The following AGBL1 variants were observed in gnomAD, a reference collection of about 807,000 sequenced individuals.
AGBL1 encodes AGBL carboxypeptidase 1.
A neutral mutation model predicts 118.9 loss-of-function variants in AGBL1; 130 were observed. The observed-to-expected ratio is 1.09, with a 90% CI of 0.95 to 1.26. The LOEUF is 1.26. AGBL1 is among the 50% of genes most tolerant of loss of function. AGBL1 has a pLI of 0.00. For missense variants in AGBL1, 1,584 were observed against 1,298.1 expected (o/e 1.22, Z -3.38); for synonymous variants, 555 against 478.9 (o/e 1.16, Z -2.08).
In AGBL1 at chr15:86,143,863, C is replaced by G; in HGVS notation, c.262+18C>G. 1 of 1,610,888 alleles carries G rather than the reference C, an allele frequency of 6.2e-7. No homozygotes were observed. The highest frequency in any genetic ancestry group is 8.5e-7 in the Non-Finnish European group (1 of 1,178,454). ...CCTAAGAGGTACTCGTACTCCAAGA[C>G]CTAAAGCTGACTGAAAAGGCACTTC... On this transcript the variant is annotated intron_variant, in intron 3 of 22. Coordinates refer to ENST00000614907, the MANE Select transcript of AGBL1 (RefSeq NM_001386094.1).
chr15:86,895,232 C>A (rs929767521), intron 22 of AGBL1, among the ~76,000 whole-genome samples: 1 of 150,270 alleles, frequency 6.7e-6, no homozygotes, highest in African/African-American at 2.5e-5. Context: ...ACATTATATT[C>A]TTTTTTTCTC....
chr15:86,180,861 T>C (rs1227363631), intron 5 of AGBL1, among the ~76,000 whole-genome samples: 1 of 152,032 alleles, frequency 6.6e-6, no homozygotes, highest in Non-Finnish European at 1.5e-5. Flanking sequence ...GGACAAAAGA[T>C]TTGAACAGAT....
chr15:86,330,195 A>C (rs1462937139), intron 17 of AGBL1, among the ~76,000 whole-genome samples: 1 of 152,212 alleles, frequency 6.6e-6, no homozygotes, highest in African/African-American at 2.4e-5. Context: ...CCATTTCCTG[A>C]GGCAACAGAG....
intron 21 of AGBL1, among the ~76,000 whole-genome samples, chr15:86,626,656 G>T (rs976216217): frequency 1.3e-5 from 2 of 150,606 alleles, no homozygotes; most frequent in Non-Finnish European, 3.0e-5. Context: ...CTTAAAACTT[G>T]TTTTTTTTTA....
chr15:86,945,069 C>T (rs1322980835), intron 23 of AGBL1, among the ~76,000 whole-genome samples: 1 of 151,440 alleles, frequency 6.6e-6, no homozygotes, highest in African/African-American at 2.4e-5. Context: ...AAAATGATGA[C>T]ATAGTAAGCA....
chr15:86,382,300 T>C (rs1445641340), intron 17 of AGBL1, among the ~76,000 whole-genome samples: 2 of 152,190 alleles, frequency 1.3e-5, no homozygotes, highest in Non-Finnish European at 2.9e-5. Context: ...GGGCCAGAAA[T>C]AAGTCTTTGA....
At chr15:86,173,828 C>T (rs2077446788) in intron 5 of AGBL1, among the ~76,000 whole-genome samples, 1 of 152,094 alleles carries the variant, frequency 6.6e-6, no homozygotes, top group Non-Finnish European at 1.5e-5. Flanking sequence ...TAGTACCATG[C>T]TGATTTGGTT....
chr15:86,659,523 A>G (rs1170393355), intron 21 of AGBL1, among the ~76,000 whole-genome samples: 1 of 152,100 alleles, frequency 6.6e-6, no homozygotes, highest in African/African-American at 2.4e-5. Context: ...CCTTTGCAGA[A>G]TTTCAGCAGT....
intron 5 of AGBL1, among the ~76,000 whole-genome samples, chr15:86,198,676 C>G (rs1288190169): frequency 6.6e-6 from 1 of 151,984 alleles, no homozygotes; most frequent in Non-Finnish European, 1.5e-5. Flanking sequence ...CTCTCTCTCT[C>G]TCTCTTTCTG....
intron 18 of AGBL1, among the ~76,000 whole-genome samples, chr15:86,520,689 C>T (rs913817928): frequency 1.3e-5 from 2 of 152,088 alleles, no homozygotes; most frequent in Non-Finnish European, 2.9e-5. Flanking sequence ...TAAAGGGCCT[C>T]AACTAATTTC....
intron 19 of AGBL1, among the ~76,000 whole-genome samples, chr15:86,523,995 G>T (rs4887476): frequency 0.68 from 103,629 of 152,110 alleles, 37,260 homozygotes; most frequent in African/African-American, 0.93. Flanking sequence ...GCTCACATAC[G>T]GGCCAAATCA....
chr15:86,177,601 A>G (rs972281795), intron 5 of AGBL1, among the ~76,000 whole-genome samples: 6 of 152,230 alleles, frequency 3.9e-5, no homozygotes, highest in African/African-American at 1.2e-4. Context: ...AGTATGTTCT[A>G]TGACCACAAG....
chr15:86,817,778 A>C (rs1156382799), intron 22 of AGBL1, among the ~76,000 whole-genome samples: 1 of 152,114 alleles, frequency 6.6e-6, no homozygotes, highest in Non-Finnish European at 1.5e-5. Context: ...GTTTATTTGC[A>C]AACAGGGTCT....
chr15:86,411,237 G>A (rs1192359060), intron 18 of AGBL1, among the ~76,000 whole-genome samples: 3 of 151,848 alleles, frequency 2.0e-5, no homozygotes, highest in Admixed American at 2.0e-4. Context: ...AGCATCTGTG[G>A]TGCATGGAGT....
chr15:86,588,936 A>G (rs1361082192), intron 21 of AGBL1, among the ~76,000 whole-genome samples: 1 of 152,206 alleles, frequency 6.6e-6, no homozygotes, highest in African/African-American at 2.4e-5. Context: ...ATCATAAAAG[A>G]TCTAAAGAAT....
intron 19 of AGBL1, among the ~76,000 whole-genome samples, chr15:86,535,736 A>G (rs2083416953): frequency 6.6e-6 from 1 of 152,136 alleles, no homozygotes; most frequent in Non-Finnish European, 1.5e-5. Flanking sequence ...TCCCTCTGGC[A>G]TATGTTTTGG....
intron 21 of AGBL1, among the ~76,000 whole-genome samples, chr15:86,629,420 T>G (rs1027977060): frequency 6.6e-6 from 1 of 152,186 alleles, no homozygotes; most frequent in African/African-American, 2.4e-5. Context: ...TGCATATCGG[T>G]CAGTCAGTTT....
chr15:86,568,290 G>T (rs1596274421), intron 21 of AGBL1, among the ~76,000 whole-genome samples: 2 of 152,236 alleles, frequency 1.3e-5, no homozygotes, highest in South Asian at 4.2e-4. Flanking sequence ...TGTTGGCTCT[G>T]TGTAAGTTTT....
intron 23 of AGBL1, among the ~76,000 whole-genome samples, chr15:86,980,797 A>G (rs1324002665): frequency 6.6e-6 from 1 of 151,878 alleles, no homozygotes; most frequent in Non-Finnish European, 1.5e-5. Context: ...TTTTAAAACC[A>G]CTTATGATTA....
Sources: allele counts gnomAD v4.1 joint callset (sites outside exome capture counted in the v4.1 genomes callset), GRCh38; gene constraint gnomAD v4.1.1; transcripts MANE v1.5; gene names NCBI Gene and HGNC (gene_info 2026-07-23, HGNC 2026-07-21).